Variants in RXFP1 observed in about 807,000 individuals in gnomAD.
RXFP1 encodes relaxin family peptide receptor 1.
Under a neutral mutation model 89.8 loss-of-function variants are expected in RXFP1, and 73 were observed. The ratio of observed to expected loss-of-function variants is 0.81; its 90% confidence interval spans 0.67 to 0.99. RXFP1 has a LOEUF of 0.99. RXFP1 is among the 50% of genes least tolerant of loss of function. The probability of loss-of-function intolerance (pLI) is 0.00; values close to 1 mark genes in which losing one functional copy is unlikely to be tolerated. For synonymous variants in RXFP1, 277 were observed against 305.5 expected (o/e 0.91, Z 0.97); for missense variants, 793 against 895.5 (o/e 0.89, Z 1.46).
chr4:158,647,125 T>C lies in RXFP1; in HGVS notation c.1680T>C (p.Asn560=), dbSNP rs1391026160. Reference sequence around the variant, plus strand: ...TTTTCAAAAACTACTATGGCACCAATGGAGTATGCTTCCCTCTTCATTCAG... The same window carrying C: ...TTTTCAAAAACTACTATGGCACCAACGGAGTATGCTTCCCTCTTCATTCAG... ...KEFFKNYYGT[N]GVCFPLHSED... The change falls in exon 16 of 18, where the codon AAT becomes AAC. Residue 560 remains asparagine (N), a synonymous_variant. Transcript: ENST00000307765. 1.2e-6 allele frequency: 2 copies of C among 1,613,912 alleles called. No individual in the cohort carries two copies. The highest frequency in any genetic ancestry group is 2.7e-5 in the African/African-American group (2 of 74,942).
chr4:158,644,003 A>ACATTTT (rs1275920690), intron 14 of RXFP1, among the ~76,000 whole-genome samples: 4 of 149,018 alleles, frequency 2.7e-5, no homozygotes, highest in South Asian at 2.1e-4. Flanking sequence ...GTGAGGTTGA[A>ACATTTT]CATTTTTTCA....
chr4:158,527,891 T>G (rs1742984448), intron 1 of RXFP1, among the ~76,000 whole-genome samples: 1 of 152,046 alleles, frequency 6.6e-6, no homozygotes, highest in Admixed American at 6.6e-5. Context: ...AACTCACTTT[T>G]AAAAGTGGGT....
At chr4:158,568,605 CTTT>C (rs201290827) in intron 1 of RXFP1, among the ~76,000 whole-genome samples, 1 of 151,080 alleles carries the variant, frequency 6.6e-6, no homozygotes, top group Non-Finnish European at 1.5e-5. Flanking sequence ...CAGTGATGGC[CTTT>C]TTTTTTACTT....
chr4:158,590,701 A>G (rs1759274407), intron 2 of RXFP1, among the ~76,000 whole-genome samples: 1 of 152,220 alleles, frequency 6.6e-6, no homozygotes, highest in Admixed American at 6.5e-5. Context: ...CGTTATCTGT[A>G]AGAAGAATCG....
At chr4:158,575,463 T>A (rs1755996947) in intron 2 of RXFP1, among the ~76,000 whole-genome samples, 1 of 152,124 alleles carries the variant, frequency 6.6e-6, no homozygotes, top group African/African-American at 2.4e-5. Context: ...AATGCTTGTG[T>A]CCCCCATAAA....
intron 1 of RXFP1, among the ~76,000 whole-genome samples, chr4:158,531,996 T>C (rs1468359881): frequency 1.3e-5 from 2 of 152,112 alleles, no homozygotes; most frequent in Non-Finnish European, 2.9e-5. Flanking sequence ...GGGTATATCG[T>C]GTGATGCTGA....
chr4:158,611,254 T>C (rs893734340), intron 6 of RXFP1, among the ~76,000 whole-genome samples: 1 of 152,152 alleles, frequency 6.6e-6, no homozygotes, highest in African/African-American at 2.4e-5. Context: ...AATCAAACTG[T>C]TCGATAGCAG....
intron 1 of RXFP1, among the ~76,000 whole-genome samples, chr4:158,562,472 C>T (rs932429751): frequency 7.7e-6 from 1 of 129,822 alleles, no homozygotes; most frequent in African/African-American, 3.0e-5. Flanking sequence ...TGCAGTGAGC[C>T]GAGATCCCGC....
intron 11 of RXFP1, among the ~76,000 whole-genome samples, chr4:158,631,925 T>G (rs1309945326): frequency 3.3e-5 from 5 of 152,152 alleles, no homozygotes; most frequent in Admixed American, 6.5e-5. Flanking sequence ...AAACCCAGTC[T>G]CTATCAAAAA....
At chr4:158,631,243 TA>T (rs1264617717) in intron 11 of RXFP1, among the ~76,000 whole-genome samples, 2 of 152,248 alleles carry the variant, frequency 1.3e-5, no homozygotes, top group African/African-American at 4.8e-5. Context: ...TGCACCATTT[TA>T]AATCCATTTG....
intron 2 of RXFP1, among the ~76,000 whole-genome samples, chr4:158,583,358 A>T (rs1757726369): frequency 6.6e-6 from 1 of 152,232 alleles, no homozygotes; most frequent in Non-Finnish European, 1.5e-5. Flanking sequence ...AGGTGGTTTG[A>T]TGGAGACATT....
chr4:158,628,523 A>T (rs1165236798), intron 10 of RXFP1, 115 bp from the exon 11 acceptor site: 3 of 438,588 alleles, frequency 6.8e-6, no homozygotes. Flanking sequence ...AAATGTCTTT[A>T]TGTGAAAAAT....
At chr4:158,623,036 A>G (rs1213659323) in intron 9 of RXFP1, among the ~76,000 whole-genome samples, 2 of 152,178 alleles carry the variant, frequency 1.3e-5, no homozygotes, top group African/African-American at 2.4e-5. Context: ...TATTTTATCT[A>G]AGTAGGTGGA....
intron 1 of RXFP1, among the ~76,000 whole-genome samples, chr4:158,527,495 A>G (rs1426441220): frequency 6.7e-6 from 1 of 148,400 alleles, no homozygotes; most frequent in Non-Finnish European, 1.5e-5. Context: ...ATCAGCCAAG[A>G]TCATGCCACT....
chr4:158,528,003 T>G (rs1743015329), intron 1 of RXFP1, among the ~76,000 whole-genome samples: 1 of 152,134 alleles, frequency 6.6e-6, no homozygotes. Flanking sequence ...TAAAATAAAT[T>G]TATTATCTAC....
intron 15 of RXFP1, chr4:158,646,411 C>T: frequency 9.4e-7 from 1 of 1,067,768 alleles, no homozygotes; most frequent in Non-Finnish European, 1.3e-6. Flanking sequence ...AGTGGAAGAG[C>T]AGAACCAAGT....
In RXFP1 at chr4:158,642,020, T is replaced by C. The variant is rs142548339; in HGVS notation, c.1115+2689T>C. On this transcript the variant is annotated intron_variant, in intron 14 of 17. Coordinates refer to ENST00000307765, the MANE Select transcript of RXFP1 (RefSeq NM_021634.4). ...AAAGAAGTCACTCAACAAATATTTA[T>C]TGAACGCTTTATTATGTACCAAAAT... 7.1e-3 allele frequency among the ~76,000 whole-genome samples: 1,082 copies of C among 152,348 alleles called. 11 individuals are homozygous for C. The highest frequency in any genetic ancestry group is 0.023 in the African/African-American group (956 of 41,584).
intron 4 of RXFP1, among the ~76,000 whole-genome samples, chr4:158,600,336 A>T (rs1476294339): frequency 6.6e-6 from 1 of 152,220 alleles, no homozygotes; most frequent in South Asian, 2.1e-4. Context: ...GTTCCTGTGC[A>T]TAGTGGTTCC....
Position 158,560,198 on chromosome 4 carries a change from C to T in RXFP1, c.50-12500C>T, listed in dbSNP as rs190054517. Among the ~76,000 whole-genome samples, 19 of 152,280 alleles carry T rather than the reference C, an allele frequency of 1.2e-4. 1 individual carries two copies. In the East Asian group the frequency reaches 3.7e-3, roughly 29 times the overall value. On this transcript the variant is annotated intron_variant, in intron 1 of 17. Coordinates refer to ENST00000307765, the MANE Select transcript of RXFP1 (RefSeq NM_021634.4). ...ATCAGTCCCAACAATATCTCCACAC[C>T]GTAAGCCATCTTTTTACTTCCCAGA...
Sources: allele counts gnomAD v4.1 joint callset (sites outside exome capture counted in the v4.1 genomes callset), GRCh38; gene constraint gnomAD v4.1.1; transcripts MANE v1.5; gene names NCBI Gene and HGNC (gene_info 2026-07-23, HGNC 2026-07-21).